Variants in GPC6 observed in about 807,000 individuals in gnomAD.
GPC6 encodes the protein glypican 6.
In GPC6, 14 loss-of-function variants were observed where a neutral mutation model predicts 55.2. The ratio of observed to expected loss-of-function variants is 0.25; its 90% CI spans 0.17 to 0.40. The LOEUF (loss-of-function observed/expected upper bound fraction) is 0.40. Ranked by LOEUF, GPC6 falls within the 10% of genes least tolerant of loss-of-function variation. The pLI, the probability that GPC6 is intolerant of heterozygous loss-of-function variation, is 1.00. For missense variants in GPC6, 641 were observed against 708.5 expected (o/e 0.90, Z 1.08); for synonymous variants, 278 against 259.6 (o/e 1.07, Z -0.68).
intron 1 of GPC6, among the ~76,000 whole-genome samples, chr13:93,401,345 G>T (rs1214494225): frequency 6.6e-6 from 1 of 152,114 alleles, no homozygotes; most frequent in Middle Eastern, 3.2e-3. Context: ...CGCTGTCAGG[G>T]AGGGTGGAGT....
At chr13:93,399,022 G>C (rs1420682457) in intron 1 of GPC6, among the ~76,000 whole-genome samples, 2 of 150,374 alleles carry the variant, frequency 1.3e-5, no homozygotes, top group Admixed American at 1.3e-4. Flanking sequence ...ACCGTGATCA[G>C]TTCCCTCTCC....
intron 3 of GPC6, among the ~76,000 whole-genome samples, chr13:93,904,019 T>A (rs1019942031): frequency 6.6e-5 from 10 of 152,112 alleles, no homozygotes; most frequent in African/African-American, 2.4e-4. Context: ...ATACCTGTCA[T>A]AACAGTTTTT....
intron 3 of GPC6, among the ~76,000 whole-genome samples, chr13:93,910,693 A>G (rs1876923080): frequency 1.3e-5 from 2 of 152,184 alleles, no homozygotes; most frequent in African/African-American, 4.8e-5. Context: ...TAGAATATGT[A>G]TGAAGCATCA....
intron 4 of GPC6, among the ~76,000 whole-genome samples, chr13:94,272,882 A>G (rs1200353679): frequency 6.6e-6 from 1 of 152,082 alleles, no homozygotes; most frequent in Non-Finnish European, 1.5e-5. Flanking sequence ...CAGCTCTGCC[A>G]CACATGCCCA....
intron 3 of GPC6, among the ~76,000 whole-genome samples, chr13:93,943,175 C>G (rs1348095258): frequency 6.6e-6 from 1 of 152,160 alleles, no homozygotes; most frequent in Non-Finnish European, 1.5e-5. Context: ...ATGAATTATA[C>G]ATTATATCTC....
chr13:94,047,965 A>G (rs1453147081), intron 4 of GPC6, among the ~76,000 whole-genome samples: 1 of 152,088 alleles, frequency 6.6e-6, no homozygotes, highest in Non-Finnish European at 1.5e-5. Flanking sequence ...GATTTATTTC[A>G]CACACAAAGG....
chr13:94,362,107 G>A (rs1174054180), intron 6 of GPC6, among the ~76,000 whole-genome samples: 2 of 152,146 alleles, frequency 1.3e-5, no homozygotes, highest in African/African-American at 4.8e-5. Context: ...GACTCATTAA[G>A]CTGGAAAGTC....
chr13:94,219,534 A>T (rs1890320946), intron 4 of GPC6, among the ~76,000 whole-genome samples: 1 of 152,156 alleles, frequency 6.6e-6, no homozygotes, highest in East Asian at 1.9e-4. Context: ...AGATATTAGA[A>T]CATAATTTCT....
At chr13:93,568,951 A>C (rs1035303464) in intron 2 of GPC6, among the ~76,000 whole-genome samples, 1 of 152,118 alleles carries the variant, frequency 6.6e-6, no homozygotes. Context: ...AGAGGATTGG[A>C]GAGTTGCAAA....
chr13:94,018,002 C>T (rs1882540505), intron 3 of GPC6, among the ~76,000 whole-genome samples: 1 of 152,084 alleles, frequency 6.6e-6, no homozygotes, highest in South Asian at 2.1e-4. Context: ...TTGTCCTTAT[C>T]TTAGAGAGAA....
At chr13:93,513,391 A>G (rs1441204160) in intron 1 of GPC6, among the ~76,000 whole-genome samples, 1 of 152,176 alleles carries the variant, frequency 6.6e-6, no homozygotes, top group Non-Finnish European at 1.5e-5. Flanking sequence ...ACATGTGTTC[A>G]ACATAAACCT....
chr13:93,752,984 G>A (rs1014652046), intron 2 of GPC6, among the ~76,000 whole-genome samples: 1 of 152,168 alleles, frequency 6.6e-6, no homozygotes, highest in Non-Finnish European at 1.5e-5. Context: ...TTCTCAGTCT[G>A]AATTTAGAAG....
At chr13:93,627,097 C>T (rs561366976) in intron 2 of GPC6, among the ~76,000 whole-genome samples, 9 of 151,922 alleles carry the variant, frequency 5.9e-5, no homozygotes, top group South Asian at 4.2e-4. Flanking sequence ...GGTAGTTTGC[C>T]GCACCCATCA....
intron 4 of GPC6, among the ~76,000 whole-genome samples, chr13:94,141,554 T>C (rs1887378835): frequency 1.3e-5 from 2 of 152,138 alleles, no homozygotes; most frequent in Admixed American, 1.3e-4. Context: ...CACCTCCCTT[T>C]CCATCACCAC....
At chr13:94,105,787 T>C (rs774894395) in intron 4 of GPC6, among the ~76,000 whole-genome samples, 4 of 152,178 alleles carry the variant, frequency 2.6e-5, no homozygotes, top group Non-Finnish European at 5.9e-5. Context: ...TGGTGAATCT[T>C]TACCGGGACA....
chr13:93,950,731 G>A (rs1204249400), intron 3 of GPC6, among the ~76,000 whole-genome samples: 1 of 151,842 alleles, frequency 6.6e-6, no homozygotes, highest in African/African-American at 2.4e-5. Flanking sequence ...CATCATCTGT[G>A]ACCTTCTCTT....
rs564686577 is a variant in GPC6 at position 93,681,698 on chromosome 13, T to A, written c.319+136277T>A. ...CTTCAGTTTTAAAGGAAGCAATCCA[T>A]TTAAAATACATTTTATAATGCGAGA... On this transcript the variant is annotated intron_variant, in intron 2 of 8. Transcript: ENST00000377047. Among the ~76,000 whole-genome samples, 10 of 152,308 alleles carry A rather than the reference T, an allele frequency of 6.6e-5. No homozygotes were observed. In the South Asian group the frequency reaches 1.9e-3, roughly 28 times the overall value.
intron 3 of GPC6, among the ~76,000 whole-genome samples, chr13:94,005,226 A>G (rs1310211302): frequency 1.3e-5 from 2 of 152,356 alleles, no homozygotes; most frequent in East Asian, 1.9e-4. Flanking sequence ...TAATCTATAT[A>G]CATAATATAT....
At chr13:93,603,984 C>G (rs1566445594) in intron 2 of GPC6, among the ~76,000 whole-genome samples, 1 of 152,090 alleles carries the variant, frequency 6.6e-6, no homozygotes, top group African/African-American at 2.4e-5. Context: ...AGAATACAGA[C>G]AAAATTCTTG....
Sources: gnomAD v4.1 joint callset for allele counts (sites outside exome capture counted in the v4.1 genomes callset) on GRCh38, gnomAD v4.1.1 for gene constraint, MANE v1.5 for transcripts, NCBI Gene and HGNC (gene_info 2026-07-23, HGNC 2026-07-21) for gene names.